Variants in LINGO2 observed in about 807,000 individuals in gnomAD.
The protein encoded by LINGO2 is leucine-rich repeat and immunoglobulin-like domain-containing nogo receptor-interacting protein 2.
A neutral mutation model predicts 30.6 loss-of-function variants in LINGO2; 14 were observed. That is an observed-to-expected ratio of 0.46 (90% CI 0.30 to 0.72). The LOEUF (loss-of-function observed/expected upper bound fraction) is 0.72, where lower values mean the gene tolerates loss of function less well. LINGO2 is among the 30% of genes least tolerant of loss of function. The pLI, the probability that LINGO2 is intolerant of heterozygous loss-of-function variation, is 0.07. For synonymous variants in LINGO2, 317 were observed against 288.5 expected (o/e 1.10, Z -1.00); for missense variants, 729 against 751.7 (o/e 0.97, Z 0.35).
intron 4 of LINGO2, among the ~76,000 whole-genome samples, chr9:28,066,299 T>G (rs1825312326): frequency 6.6e-6 from 1 of 152,080 alleles, no homozygotes; most frequent in Non-Finnish European, 1.5e-5. Flanking sequence ...GAAATGTCAG[T>G]GGTTGGCTTA....
the LINGO2 span, among the ~76,000 whole-genome samples, chr9:29,111,272 C>A: frequency 6.6e-6 from 1 of 152,106 alleles, no homozygotes; most frequent in Non-Finnish European, 1.5e-5. Context: ...TGTTTTAATT[C>A]AATATTCTCC....
chr9:28,723,416 G>C, the LINGO2 span, among the ~76,000 whole-genome samples: 1 of 152,044 alleles, frequency 6.6e-6, no homozygotes, highest in Non-Finnish European at 1.5e-5. Flanking sequence ...CAGCTTTGTT[G>C]TACAATGTGG....
chr9:28,041,631 A>C (rs12555477), intron 4 of LINGO2, among the ~76,000 whole-genome samples: 22,269 of 152,226 alleles, frequency 0.15, 2,078 homozygotes, highest in East Asian at 0.31. Context: ...AACAAGAAAA[A>C]GTAAATCATG....
rs1443560875 is a variant in LINGO2, at chr9:28,129,797, T to G, written c.-86-117392A>C. The G allele has an allele frequency of 6.6e-6, 1 of 152,220 alleles. No homozygotes were observed. The highest frequency in any genetic ancestry group is 1.5e-5 in the Non-Finnish European group (1 of 68,036). 9.4% of individuals were successfully genotyped at this position (152,220 alleles called of 1,614,324 possible). A position where few individuals can be genotyped will look rare whatever the true frequency, so the allele number is the denominator to read the frequency against. On this transcript the variant is annotated intron_variant, in intron 4 of 5. Coordinates refer to ENST00000379992, the Ensembl canonical transcript of LINGO2. This position sits in a 1 kb window ranked among gnomAD's most constrained non-coding sequence, Gnocchi z 4.0. ...TAACCTAGTCATAAGCTTTTATTTTTTATATTGTTTATTTTTGGTTTAAGA... is the reference window on the plus strand; with the variant it reads ...TAACCTAGTCATAAGCTTTTATTTTGTATATTGTTTATTTTTGGTTTAAGA...
intron 4 of LINGO2, among the ~76,000 whole-genome samples, chr9:28,195,612 A>G (rs1366121236): frequency 6.6e-6 from 1 of 151,306 alleles, no homozygotes; most frequent in African/African-American, 2.4e-5. Context: ...CTTGGATGAA[A>G]CAGATGATTT....
At chr9:28,457,885 G>T in intron 2 of LINGO2, among the ~76,000 whole-genome samples, 1 of 151,986 alleles carries the variant, frequency 6.6e-6, no homozygotes, top group Admixed American at 6.6e-5. Flanking sequence ...TTACTGGGAG[G>T]CATAAATTTT....
At chr9:28,945,407 C>T in the LINGO2 span, among the ~76,000 whole-genome samples, 1 of 152,102 alleles carries the variant, frequency 6.6e-6, no homozygotes, top group Non-Finnish European at 1.5e-5. Flanking sequence ...GAATCAAATT[C>T]TGTACAGAGT....
intron 4 of LINGO2, among the ~76,000 whole-genome samples, chr9:28,102,982 C>T (rs972347151): frequency 6.6e-6 from 1 of 152,154 alleles, no homozygotes; most frequent in African/African-American, 2.4e-5. Context: ...TATGTTAACT[C>T]TGGAGAATCC....
the LINGO2 span, among the ~76,000 whole-genome samples, chr9:28,976,243 C>A: frequency 6.6e-6 from 1 of 152,084 alleles, no homozygotes; most frequent in African/African-American, 2.4e-5. Flanking sequence ...TTCAAGCATA[C>A]CTGAGCTATT....
the LINGO2 span, among the ~76,000 whole-genome samples, chr9:29,134,935 T>A: frequency 6.6e-6 from 1 of 151,958 alleles, no homozygotes; most frequent in African/African-American, 2.4e-5. Context: ...AATCATGATA[T>A]AGAGTTTAAC....
chr9:28,625,842 T>C (rs1826640082), intron 1 of LINGO2, among the ~76,000 whole-genome samples: 1 of 152,106 alleles, frequency 6.6e-6, no homozygotes, highest in Non-Finnish European at 1.5e-5. Context: ...ATTTAGCTTT[T>C]GAACTTTGTG....
chr9:28,249,302 T>C (rs1260812827), intron 4 of LINGO2, among the ~76,000 whole-genome samples: 2 of 152,134 alleles, frequency 1.3e-5, no homozygotes, highest in Non-Finnish European at 1.5e-5. Flanking sequence ...GATGAAAATA[T>C]ATTTTTATGC....
At chr9:28,910,708 C>G in the LINGO2 span, among the ~76,000 whole-genome samples, 1 of 151,998 alleles carries the variant, frequency 6.6e-6, no homozygotes, top group East Asian at 1.9e-4. Flanking sequence ...TTGAGGCCTC[C>G]CCAGAAGCAG....
intron 1 of LINGO2, among the ~76,000 whole-genome samples, chr9:28,500,348 C>T (rs1213894178): frequency 1.3e-5 from 2 of 152,098 alleles, no homozygotes; most frequent in Non-Finnish European, 2.9e-5. Flanking sequence ...CTGTATTCCT[C>T]TAAAGGCAGA....
At chr9:28,506,515 T>TAGATATAG (rs1554729664) in intron 1 of LINGO2, among the ~76,000 whole-genome samples, 8 of 100,604 alleles carry the variant, frequency 8.0e-5, no homozygotes, top group Admixed American at 2.3e-4. Flanking sequence ...CATATATATA[T>TAGATATAG]ATATATAAAC....
chr9:28,437,409 G>A (rs1015988525), intron 2 of LINGO2, among the ~76,000 whole-genome samples: 1 of 152,026 alleles, frequency 6.6e-6, no homozygotes, highest in East Asian at 1.9e-4. Context: ...TGTCACAATT[G>A]GCCGCAGACA....
chr9:28,204,433 C>T (rs1390627855), intron 4 of LINGO2, among the ~76,000 whole-genome samples: 2 of 152,154 alleles, frequency 1.3e-5, no homozygotes, highest in Non-Finnish European at 2.9e-5. Context: ...TCAACTGTGT[C>T]AGTATATTTT....
At chr9:28,471,042 A>C (rs1170228572) in intron 2 of LINGO2, among the ~76,000 whole-genome samples, 1 of 151,512 alleles carries the variant, frequency 6.6e-6, no homozygotes, top group Non-Finnish European at 1.5e-5. Flanking sequence ...AGTGGAGGCA[A>C]ATAAAGTTAC....
At chr9:28,673,163 T>C, upstream of LINGO2, among the ~76,000 whole-genome samples, 1 of 152,040 alleles carries the variant, frequency 6.6e-6, no homozygotes, top group African/African-American at 2.4e-5. Flanking sequence ...GTTTTGTGGG[T>C]TAATAATAAA....
Sources: gnomAD v4.1 joint callset for allele counts (sites outside exome capture counted in the v4.1 genomes callset) on GRCh38, gnomAD v4.1.1 for gene constraint, Gnocchi (gnomAD v3.1) non-coding constraint, MANE v1.5 for transcripts, NCBI Gene and HGNC (gene_info 2026-07-23, HGNC 2026-07-21) for gene names.